PCNT: variants seen among roughly 807,000 people sequenced by gnomAD.
The protein encoded by PCNT is pericentrin.
A neutral mutation model predicts 380.4 loss-of-function variants in PCNT; 319 were observed. The observed-to-expected ratio is 0.84, with a 90% CI of 0.77 to 0.92. PCNT has a LOEUF of 0.92. Ranked by LOEUF, PCNT falls within the 40% of genes least tolerant of loss-of-function variation. PCNT has a pLI of 0.00. For missense variants in PCNT, 4,400 were observed against 4,255.3 expected, an observed-to-expected ratio of 1.03 and a Z score of -0.95; for synonymous variants, 1,845 against 1,735.2, an observed-to-expected ratio of 1.06 and a Z score of -1.57.
chr21:46,409,530 A>G (rs533214126), intron 27 of PCNT, among the ~76,000 whole-genome samples: 124 of 152,022 alleles, frequency 8.2e-4, no homozygotes, highest in Non-Finnish European at 1.1e-3. Context: ...CCCTAGCCCA[A>G]TTTTCCTGAG....
At chr21:46,445,246 T>C in intron 46 of PCNT, 38 bp from the exon 47 acceptor site, 1 of 1,458,894 alleles carries the variant, frequency 6.9e-7, no homozygotes, top group Non-Finnish European at 9.6e-7. Context: ...TGTGAAGCCT[T>C]GTAACCAATT....
chr21:46,402,717 G>A (rs2086470291), intron 27 of PCNT, among the ~76,000 whole-genome samples: 2 of 152,258 alleles, frequency 1.3e-5, no homozygotes, highest in Admixed American at 6.5e-5. Context: ...ACTGCTTTCT[G>A]ATTGCAGCAC....
At chr21:46,405,078 T>C (rs1395097250) in intron 27 of PCNT, among the ~76,000 whole-genome samples, 4 of 152,088 alleles carry the variant, frequency 2.6e-5, no homozygotes, top group Non-Finnish European at 4.4e-5. Context: ...TCTCTACAAA[T>C]TTTTTTAAAA....
intron 30 of PCNT, among the ~76,000 whole-genome samples, chr21:46,417,557 GTAT>G (rs1320155145): frequency 2.6e-5 from 4 of 152,016 alleles, no homozygotes; most frequent in Non-Finnish European, 4.4e-5. Flanking sequence ...GAGTTAGATC[GTAT>G]TATTTCTAAC....
intron 27 of PCNT, among the ~76,000 whole-genome samples, chr21:46,404,447 C>T (rs1316922704): frequency 2.0e-5 from 3 of 152,190 alleles, no homozygotes; most frequent in African/African-American, 4.8e-5. Context: ...TGCGTGTGAA[C>T]GAGCAGCTCT....
chr21:46,330,470 A>G (rs2083522051), intron 2 of PCNT, among the ~76,000 whole-genome samples: 1 of 152,188 alleles, frequency 6.6e-6, no homozygotes, highest in African/African-American at 2.4e-5. Context: ...TATGTGTAGA[A>G]TAGAGCCATT....
chr21:46,418,168 T>C (rs749769507), intron 30 of PCNT, 36 bp from the exon 31 acceptor site: 1 of 1,269,278 alleles, frequency 7.9e-7, no homozygotes, highest in Non-Finnish European at 1.2e-6. Context: ...ATGTAATTAC[T>C]CATTATTTTA....
intron 16 of PCNT, among the ~76,000 whole-genome samples, chr21:46,385,238 C>T (rs987500546): frequency 6.6e-6 from 1 of 152,142 alleles, no homozygotes; most frequent in Non-Finnish European, 1.5e-5. Context: ...CACCTGTAGT[C>T]CCAGCTTCTC....
At chr21:46,402,221 A>G in intron 26 of PCNT, 110 bp from the exon 27 acceptor site, 2 of 737,484 alleles carry the variant, frequency 2.7e-6, no homozygotes, top group Non-Finnish European at 4.4e-6. Flanking sequence ...TAATTGCTTT[A>G]GGCATGTGCA....
At chr21:46,410,180 C>T (rs1007475050) in intron 27 of PCNT, among the ~76,000 whole-genome samples, 3 of 152,210 alleles carry the variant, frequency 2.0e-5, no homozygotes, top group Non-Finnish European at 4.4e-5. Flanking sequence ...TCCTAGCCCG[C>T]AGCTGGGAGG....
chr21:46,392,491 G>A (rs1249802163), intron 21 of PCNT, among the ~76,000 whole-genome samples: 3 of 152,210 alleles, frequency 2.0e-5, no homozygotes, highest in Admixed American at 2.0e-4. Flanking sequence ...ATAGTGCTGG[G>A]ATCGCAGGCG....
rs1247869077 is a variant in PCNT, at chr21:46,440,186, A to G, written c.9377A>G (p.His3126Arg). 1 of 1,614,044 alleles carries G rather than the reference A, an allele frequency of 6.2e-7. No individual in the cohort carries two copies. The highest frequency in any genetic ancestry group is 8.5e-7 in the Non-Finnish European group (1 of 1,180,038). ...RLPPAASEEA[H>R]TSNVKMEKLY... ...CCACCAGCTGCCAGCGAGGAAGCAC[A>G]CACCAGCAATGTCAAGGTAGGAACG... The change falls in exon 42 of 47, where the codon CAC (histidine) becomes CGC (arginine). Residue 3126 changes from histidine (H) to arginine (R), a missense_variant. By Grantham distance (29) the His-to-Arg change is conservative (BLOSUM62 0). Transcript: ENST00000359568.
At chr21:46,442,074 G>A (rs1378435079) in intron 43 of PCNT, among the ~76,000 whole-genome samples, 1 of 152,196 alleles carries the variant, frequency 6.6e-6, no homozygotes, top group Non-Finnish European at 1.5e-5. Flanking sequence ...TGGGGTCTCC[G>A]TGTTCTGAGC....
chr21:46,416,875 C>CGTGGGAAT (rs1230516943), intron 30 of PCNT, 36 bp downstream of exon 30: 1 of 1,593,916 alleles, frequency 6.3e-7, no homozygotes, highest in African/African-American at 1.3e-5. Context: ...CTGCTGTTCC[C>CGTGGGAAT]GTGGGAATGT....
rs2086019972 is a variant in PCNT at position 46,391,236 on chromosome 21, A to G, written c.4076A>G (p.His1359Arg). 1 of 1,608,176 alleles carries G rather than the reference A, an allele frequency of 6.2e-7. No homozygotes were observed. The highest frequency in any genetic ancestry group is 8.5e-7 in the Non-Finnish European group (1 of 1,177,644). Residue 1359 changes from histidine to arginine, a missense_variant, in exon 21 of 47, where the codon CAC (histidine) becomes CGC (arginine). Transcript: ENST00000359568. ...CTGGCCGGGAAGGAGGATTCCGAGC[A>G]CCGTCTGGTGCTGGAGCTGGAGAGC... ...EVLAGKEDSE[H>R]RLVLELESLR...
intron 7 of PCNT, among the ~76,000 whole-genome samples, chr21:46,349,410 T>A (rs1185876549): frequency 6.6e-6 from 1 of 152,204 alleles, no homozygotes; most frequent in Non-Finnish European, 1.5e-5. Flanking sequence ...TCTTGGCATG[T>A]TCAGTTGCTA....
intron 25 of PCNT, among the ~76,000 whole-genome samples, chr21:46,400,682 G>T (rs1432778672): frequency 6.6e-6 from 1 of 152,064 alleles, no homozygotes; most frequent in African/African-American, 2.4e-5. Flanking sequence ...ACCACGCCTG[G>T]CTAATTTTTG....
intron 2 of PCNT, among the ~76,000 whole-genome samples, chr21:46,328,553 T>G (rs2083459425): frequency 6.6e-6 from 1 of 151,814 alleles, no homozygotes; most frequent in Non-Finnish European, 1.5e-5. Context: ...CTCTGCCTCC[T>G]GGGTTCAAGC....
intron 21 of PCNT, chr21:46,394,504 G>A: frequency 1.0e-6 from 1 of 984,846 alleles, no homozygotes; most frequent in Non-Finnish European, 1.2e-6. Flanking sequence ...TTGTTCATAG[G>A]CACAGCTGTC....
Sources: allele counts gnomAD v4.1 joint callset (sites outside exome capture counted in the v4.1 genomes callset), GRCh38; gene constraint gnomAD v4.1.1; transcripts MANE v1.5; gene names NCBI Gene and HGNC (gene_info 2026-07-23, HGNC 2026-07-21).